Variants in SLC24A3 observed in about 807,000 individuals in gnomAD.
SLC24A3 encodes solute carrier family 24 member 3.
SLC24A3 carries 28 observed loss-of-function variants against 75.8 expected under a neutral mutation model. The ratio of observed to expected loss-of-function variants is 0.37; its 90% CI spans 0.27 to 0.51. The LOEUF (loss-of-function observed/expected upper bound fraction) is 0.51, where lower values mean the gene tolerates loss of function less well. Ranked by LOEUF, SLC24A3 falls within the 20% of genes least tolerant of loss-of-function variation. SLC24A3 has a pLI of 0.94. For synonymous variants in SLC24A3, 372 were observed against 334.1 expected, an observed-to-expected ratio of 1.11 and a Z score of -1.24; for missense variants, 663 against 847.8, an observed-to-expected ratio of 0.78 and a Z score of 2.71.
chr20:19,660,792 T>A (rs1167241430), intron 7 of SLC24A3, among the ~76,000 whole-genome samples: 1 of 152,166 alleles, frequency 6.6e-6, no homozygotes, highest in Non-Finnish European at 1.5e-5. Flanking sequence ...CATTTTGCCC[T>A]CATTACATTT....
At chr20:19,608,790 A>G (rs760719444) in intron 6 of SLC24A3, among the ~76,000 whole-genome samples, 16 of 152,348 alleles carry the variant, frequency 1.1e-4, no homozygotes, top group Admixed American at 2.0e-4. Context: ...CACAATATTC[A>G]CTAATGATCT....
intron 2 of SLC24A3, among the ~76,000 whole-genome samples, chr20:19,325,044 A>C (rs1600429837): frequency 6.8e-6 from 1 of 147,840 alleles, no homozygotes; most frequent in African/African-American, 2.5e-5. Context: ...TAATGACACT[A>C]TCTCATTCTT....
intron 1 of SLC24A3, among the ~76,000 whole-genome samples, chr20:19,274,468 T>C (rs1983423665): frequency 6.6e-6 from 1 of 151,772 alleles, no homozygotes; most frequent in South Asian, 2.1e-4. Flanking sequence ...TTAGGAGAGG[T>C]CTGTTTGGGG....
intron 1 of SLC24A3, among the ~76,000 whole-genome samples, chr20:19,278,161 G>T (rs1490840110): frequency 1.3e-5 from 2 of 152,098 alleles, no homozygotes. Flanking sequence ...AATGCTGGGG[G>T]ATTATGTCCT....
chr20:19,374,279 C>T (rs1447353769), intron 2 of SLC24A3, among the ~76,000 whole-genome samples: 3 of 152,202 alleles, frequency 2.0e-5, no homozygotes, highest in Non-Finnish European at 2.9e-5. Flanking sequence ...CCTCCACATG[C>T]TCAAGTTGCC....
intron 1 of SLC24A3, among the ~76,000 whole-genome samples, chr20:19,252,648 G>GT (rs1555783968): frequency 3.4e-5 from 5 of 149,202 alleles, no homozygotes; most frequent in African/African-American, 9.8e-5. Flanking sequence ...AATGGCGGGG[G>GT]GGGGTGCCTG....
chr20:19,652,094 ATCTT>A (rs1226768271), intron 6 of SLC24A3, among the ~76,000 whole-genome samples: 13 of 152,174 alleles, frequency 8.5e-5, no homozygotes, highest in Admixed American at 8.5e-4. Flanking sequence ...TTTCAGGCCT[ATCTT>A]TATTCTAACT....
chr20:19,333,568 G>A (rs1351423599), intron 2 of SLC24A3, among the ~76,000 whole-genome samples: 1 of 151,966 alleles, frequency 6.6e-6, no homozygotes, highest in Non-Finnish European at 1.5e-5. Context: ...TTTTTGTGTG[G>A]GAATTTGTAT....
chr20:19,356,315 A>G (rs1366465627), intron 2 of SLC24A3, among the ~76,000 whole-genome samples: 1 of 152,192 alleles, frequency 6.6e-6, no homozygotes, highest in Non-Finnish European at 1.5e-5. Flanking sequence ...AAGGGCAACT[A>G]CTAACTAGAA....
intron 2 of SLC24A3, among the ~76,000 whole-genome samples, chr20:19,454,052 AG>A (rs1231220102): frequency 2.0e-5 from 3 of 152,212 alleles, no homozygotes; most frequent in Non-Finnish European, 4.4e-5. Flanking sequence ...TGACCAGCCT[AG>A]AGATACTCCC....
intron 14 of SLC24A3, 35 bp downstream of exon 14, chr20:19,696,946 G>A (rs762873431): frequency 3.2e-6 from 3 of 948,710 alleles, no homozygotes; most frequent in Non-Finnish European, 3.3e-6. Flanking sequence ...AAGGAGGGAG[G>A]GAGGGAGGAG....
intron 13 of SLC24A3, chr20:19,694,380 T>C (rs2032780848): frequency 6.6e-6 from 1 of 152,216 alleles, no homozygotes; most frequent in African/African-American, 2.4e-5. Flanking sequence ...AAAAGAAGGT[T>C]ATGAAAAAGA....
intron 2 of SLC24A3, among the ~76,000 whole-genome samples, chr20:19,325,649 G>T (rs1984821091): frequency 6.6e-6 from 1 of 151,348 alleles, no homozygotes; most frequent in African/African-American, 2.4e-5. Context: ...AAGTACTTCA[G>T]ACCAGAAGTA....
chr20:19,392,769 C>G (rs369587050), intron 2 of SLC24A3, among the ~76,000 whole-genome samples: 6 of 152,158 alleles, frequency 3.9e-5, no homozygotes, highest in Admixed American at 2.0e-4. Flanking sequence ...TGTCATGCAT[C>G]TTCATTTCAG....
At chr20:19,557,805 C>T (rs1285176250) in intron 3 of SLC24A3, among the ~76,000 whole-genome samples, 1 of 152,222 alleles carries the variant, frequency 6.6e-6, no homozygotes, top group Non-Finnish European at 1.5e-5. Context: ...AGCCACCAAG[C>T]TGAACTTGTC....
At chr20:19,491,977 G>GT (rs1555795925) in intron 2 of SLC24A3, among the ~76,000 whole-genome samples, 1 of 118,610 alleles carries the variant, frequency 8.4e-6, no homozygotes, top group Non-Finnish European at 1.7e-5. Flanking sequence ...GTGCTCAAGG[G>GT]CCCCCCCTTC....
At chr20:19,279,767 A>G (rs1983604151) in intron 1 of SLC24A3, among the ~76,000 whole-genome samples, 1 of 152,024 alleles carries the variant, frequency 6.6e-6, no homozygotes, top group Non-Finnish European at 1.5e-5. Flanking sequence ...TCCTCCACTC[A>G]CATTTGCAGC....
intron 2 of SLC24A3, among the ~76,000 whole-genome samples, chr20:19,345,860 A>C (rs1659488463): frequency 6.6e-6 from 1 of 151,980 alleles, no homozygotes; most frequent in Admixed American, 6.6e-5. Context: ...TAGTACCACC[A>C]CTATGGAAAA....
intron 3 of SLC24A3, among the ~76,000 whole-genome samples, chr20:19,547,598 C>G (rs544336260): frequency 6.6e-6 from 1 of 152,216 alleles, no homozygotes; most frequent in Admixed American, 6.5e-5. Flanking sequence ...CAGGTGACTG[C>G]GTTCACTCGG....
Sources: allele counts gnomAD v4.1 joint callset (sites outside exome capture counted in the v4.1 genomes callset), GRCh38; gene constraint gnomAD v4.1.1; transcripts MANE v1.5; gene names NCBI Gene and HGNC (gene_info 2026-07-23, HGNC 2026-07-21).